The following SH3GL2 variants were observed in gnomAD, a reference collection of about 807,000 sequenced individuals.
SH3GL2 encodes the protein SH3 domain containing GRB2 like 2, endophilin A1, also known as endophilin-A1.
SH3GL2 carries 24 observed loss-of-function variants against 46.0 expected under a neutral mutation model. The observed-to-expected ratio is 0.52, with a 90% CI of 0.38 to 0.73. The LOEUF is 0.73. SH3GL2 is among the 30% of genes least tolerant of loss of function. The pLI is 0.00. For missense variants in SH3GL2, 413 were observed against 424.2 expected (o/e 0.97, Z 0.23); for synonymous variants, 196 against 147.1 (o/e 1.33, Z -2.40).
At chr9:17,739,747 C>T (rs1822469618) in intron 1 of SH3GL2, among the ~76,000 whole-genome samples, 1 of 152,160 alleles carries the variant, frequency 6.6e-6, no homozygotes, top group Admixed American at 6.5e-5. Context: ...GAGCTGAAAG[C>T]TCTGCATGAT....
intron 1 of SH3GL2, chr9:17,653,875 G>T (rs1820009317): frequency 1.0e-6 from 1 of 980,810 alleles, no homozygotes; most frequent in Non-Finnish European, 1.2e-6. Flanking sequence ...AGGGGCTGAT[G>T]CAGAAGGTAT....
intron 3 of SH3GL2, among the ~76,000 whole-genome samples, chr9:17,765,770 A>G (rs1823301513): frequency 6.6e-5 from 10 of 152,146 alleles, no homozygotes; most frequent in Admixed American, 5.9e-4. Context: ...AGTGGGGCAC[A>G]TGCCATACTT....
Position 17,579,171 on chromosome 9 carries a change from C to G in SH3GL2, c.-72C>G, listed in dbSNP as rs936768315. The G allele has an allele frequency of 7.7e-6, 9 of 1,171,594 alleles. No individual in the cohort carries two copies. Among genetic ancestry groups the G allele is most frequent in the South Asian group, 5.9e-5 (4 of 67,742 alleles). 72.6% of individuals were successfully genotyped at this position (1,171,594 alleles called of 1,614,324 possible). A position where few individuals can be genotyped will look rare whatever the true frequency, so the allele number is the denominator to read the frequency against. On this transcript the variant is annotated 5_prime_UTR_variant, in exon 1 of 9. Coordinates refer to ENST00000380607, the MANE Select transcript of SH3GL2 (RefSeq NM_003026.5). ...AGAGGCGGCCAGGGGAGCGCGCCGC[C>G]CCGCTCGGCCCTCCAGTCCCCCTCC...
intron 1 of SH3GL2, among the ~76,000 whole-genome samples, chr9:17,640,020 G>T (rs1411261480): frequency 6.6e-6 from 1 of 152,068 alleles, no homozygotes; most frequent in Non-Finnish European, 1.5e-5. Flanking sequence ...ACTTTTTAGG[G>T]TGATAGTATT....
At chr9:17,661,912 A>G (rs1820225968) in intron 1 of SH3GL2, among the ~76,000 whole-genome samples, 1 of 152,150 alleles carries the variant, frequency 6.6e-6, no homozygotes, top group Non-Finnish European at 1.5e-5. Flanking sequence ...TCTCATAGGT[A>G]TGTTGGATGG....
intron 1 of SH3GL2, among the ~76,000 whole-genome samples, chr9:17,653,298 C>T (rs1819997788): frequency 6.6e-6 from 1 of 152,000 alleles, no homozygotes; most frequent in Non-Finnish European, 1.5e-5. Context: ...TTTTTTCCCT[C>T]AGTTCTGGGA....
chr9:17,717,601 A>G (rs1388380364), intron 1 of SH3GL2, among the ~76,000 whole-genome samples: 2 of 152,120 alleles, frequency 1.3e-5, no homozygotes, highest in African/African-American at 4.8e-5. Flanking sequence ...CTCAGGATGC[A>G]GAAGAGAATA....
chr9:17,605,300 C>T (rs189279799), intron 1 of SH3GL2, among the ~76,000 whole-genome samples: 2 of 152,194 alleles, frequency 1.3e-5, no homozygotes, highest in African/African-American at 4.8e-5. Flanking sequence ...TGTTTCCAAT[C>T]CCAGGTAATA....
At chr9:17,769,285 G>A (rs187754903) in intron 3 of SH3GL2, among the ~76,000 whole-genome samples, 1 of 152,294 alleles carries the variant, frequency 6.6e-6, no homozygotes, top group Admixed American at 6.5e-5. Flanking sequence ...AGGATTGTTT[G>A]TACACTGCAA....
chr9:17,591,299 C>T (rs1818477856), intron 1 of SH3GL2: 1 of 151,912 alleles, frequency 6.6e-6, no homozygotes, highest in African/African-American at 2.4e-5. Flanking sequence ...TACTGGCTTG[C>T]CCTTTATAAT....
At chr9:17,594,677 C>G (rs192142437) in intron 1 of SH3GL2, among the ~76,000 whole-genome samples, 3 of 151,962 alleles carry the variant, frequency 2.0e-5, no homozygotes, top group African/African-American at 4.8e-5. Context: ...TGTGTTGTAC[C>G]TCTGTGAAGT....
At chr9:17,661,777 G>A (rs932343270) in intron 1 of SH3GL2, among the ~76,000 whole-genome samples, 20 of 152,136 alleles carry the variant, frequency 1.3e-4, no homozygotes, top group African/African-American at 4.6e-4. Flanking sequence ...TAGTATAGTG[G>A]AAACTACAGT....
At chr9:17,684,519 A>G (rs1418765658) in intron 1 of SH3GL2, among the ~76,000 whole-genome samples, 1 of 152,142 alleles carries the variant, frequency 6.6e-6, no homozygotes, top group Non-Finnish European at 1.5e-5. Context: ...AAGTGAGTCA[A>G]TAGTGTGGTA....
At chr9:17,749,260 C>A (rs894817941) in intron 2 of SH3GL2, among the ~76,000 whole-genome samples, 1 of 152,156 alleles carries the variant, frequency 6.6e-6, no homozygotes, top group African/African-American at 2.4e-5. Context: ...AATATTTTAC[C>A]CATTCATCTT....
At chr9:17,625,890 A>G (rs1180057233) in intron 1 of SH3GL2, among the ~76,000 whole-genome samples, 1 of 152,192 alleles carries the variant, frequency 6.6e-6, no homozygotes, top group Non-Finnish European at 1.5e-5. Context: ...CCCAGGAGGT[A>G]TGTCTTAAAC....
intron 1 of SH3GL2, among the ~76,000 whole-genome samples, chr9:17,713,440 G>A (rs1362326102): frequency 1.3e-5 from 2 of 150,260 alleles, no homozygotes; most frequent in African/African-American, 4.9e-5. Context: ...CCTTTCTTCT[G>A]CTTGCTTTGG....
intron 1 of SH3GL2, among the ~76,000 whole-genome samples, chr9:17,673,318 A>ATT (rs35240605): frequency 0.092 from 12,957 of 141,012 alleles, 777 homozygotes; most frequent in Admixed American, 0.18. Flanking sequence ...CTAGTTTTTA[A>ATT]TTTTTTTTTT....
intron 1 of SH3GL2, among the ~76,000 whole-genome samples, chr9:17,732,812 G>A (rs1196517363): frequency 6.6e-6 from 1 of 152,092 alleles, no homozygotes; most frequent in East Asian, 1.9e-4. Flanking sequence ...AAACAGTTAT[G>A]AGAAGCAAAT....
intron 1 of SH3GL2, among the ~76,000 whole-genome samples, chr9:17,723,443 A>T (rs1821945390): frequency 6.6e-6 from 1 of 152,162 alleles, no homozygotes; most frequent in South Asian, 2.1e-4. Context: ...AAATGATTTT[A>T]TACATCTTTC....
Sources: allele counts gnomAD v4.1 joint callset (sites outside exome capture counted in the v4.1 genomes callset), GRCh38; gene constraint gnomAD v4.1.1; transcripts MANE v1.5; gene names NCBI Gene and HGNC (gene_info 2026-07-23, HGNC 2026-07-21).